ENPP6: variants seen among roughly 807,000 people sequenced by gnomAD.
The protein encoded by ENPP6 is ectonucleotide pyrophosphatase/phosphodiesterase 6.
In ENPP6, 32 loss-of-function variants were observed where a neutral mutation model predicts 42.0. The ratio of observed to expected loss-of-function variants is 0.76; its 90% CI spans 0.58 to 1.02. The LOEUF is 1.02. Among genes scored for constraint, ENPP6 ranks in the 50% least tolerant of loss-of-function variants. ENPP6 has a pLI of 0.00. For synonymous variants in ENPP6, 213 were observed against 216.0 expected (o/e 0.99, Z 0.12); for missense variants, 552 against 566.8 (o/e 0.97, Z 0.27).
chr4:184,122,471 G>A (rs906419482), intron 3 of ENPP6, among the ~76,000 whole-genome samples: 3 of 143,324 alleles, frequency 2.1e-5, no homozygotes, highest in African/African-American at 7.7e-5. Flanking sequence ...ATTCTCCAAG[G>A]TAAAGATGCA....
rs190316108 is a variant in ENPP6 at position 184,184,892 on chromosome 4, G to A, written c.242-31159C>T. On this transcript the variant is annotated intron_variant, in intron 1 of 7. Transcript: ENST00000296741. This position sits in a 1 kb window ranked among gnomAD's most constrained non-coding sequence, Gnocchi z 4.7. The stretch of plus-strand genomic sequence containing the variant: ...ATTCCTGTTGTCTGAGCCACCCAGC[G>A]TGTGGAGTGTGTGACAGCAGCCCTA... Among the ~76,000 whole-genome samples the A allele has an allele frequency of 2.0e-5, 3 of 152,064 alleles. No individual in the cohort carries two copies. Among genetic ancestry groups the A allele is most frequent in the African/African-American group, 2.4e-5 (1 of 41,408 alleles).
At chr4:184,133,357 G>GATTT (rs1289313254) in intron 2 of ENPP6, among the ~76,000 whole-genome samples, 1 of 152,012 alleles carries the variant, frequency 6.6e-6, no homozygotes, top group East Asian at 1.9e-4. Context: ...ATTTTTATTA[G>GATTT]ATTTATTCTT....
intron 5 of ENPP6, among the ~76,000 whole-genome samples, chr4:184,114,705 C>A (rs1409469055): frequency 6.6e-6 from 1 of 151,752 alleles, no homozygotes; most frequent in Non-Finnish European, 1.5e-5. Flanking sequence ...GCTGTTGATG[C>A]CCAAGTTCTG....
chr4:184,122,404 A>ACACCACCACCAC (rs57184304), intron 3 of ENPP6, among the ~76,000 whole-genome samples: 2,915 of 140,840 alleles, frequency 0.021, 79 homozygotes, highest in African/African-American at 0.056. Context: ...ACACACTCAT[A>ACACCACCACCAC]CACCACCACC....
intron 2 of ENPP6, among the ~76,000 whole-genome samples, chr4:184,135,319 C>T (rs1022176294): frequency 6.6e-6 from 1 of 152,034 alleles, no homozygotes; most frequent in Non-Finnish European, 1.5e-5. Context: ...GTGAATTTAC[C>T]TGTGTCTCCT....
intron 1 of ENPP6, among the ~76,000 whole-genome samples, chr4:184,160,742 A>G (rs1737245432): frequency 6.6e-6 from 1 of 152,084 alleles, no homozygotes; most frequent in Non-Finnish European, 1.5e-5. Flanking sequence ...TTCCAATCCT[A>G]CTTCCACCAA....
At chr4:184,164,501 G>A (rs1737318633) in intron 1 of ENPP6, among the ~76,000 whole-genome samples, 1 of 152,104 alleles carries the variant, frequency 6.6e-6, no homozygotes, top group Non-Finnish European at 1.5e-5. Context: ...AGACTGACCT[G>A]CCCCCAGGGA....
chr4:184,151,323 A>G (rs1023182960), intron 2 of ENPP6, among the ~76,000 whole-genome samples: 1 of 152,208 alleles, frequency 6.6e-6, no homozygotes, highest in African/African-American at 2.4e-5. Context: ...GGGCAACAAG[A>G]GTGAAACTCT....
chr4:184,095,391 G>A (rs1735882996), intron 7 of ENPP6, among the ~76,000 whole-genome samples: 1 of 152,092 alleles, frequency 6.6e-6, no homozygotes, highest in Non-Finnish European at 1.5e-5. Context: ...TGGGCGTGGT[G>A]GCTCACGTCT....
intron 6 of ENPP6, among the ~76,000 whole-genome samples, chr4:184,104,273 C>T (rs960642512): frequency 1.3e-5 from 2 of 152,246 alleles, no homozygotes; most frequent in Non-Finnish European, 2.9e-5. Context: ...GCCATTCAAC[C>T]ACAGGCTTTA....
At chr4:184,171,098 C>T (rs1300705761) in intron 1 of ENPP6, among the ~76,000 whole-genome samples, 2 of 152,220 alleles carry the variant, frequency 1.3e-5, no homozygotes, top group Non-Finnish European at 2.9e-5. Flanking sequence ...CACAAATATG[C>T]AGTCTGGATG....
chr4:184,178,218 A>G (rs1732483869), intron 1 of ENPP6, among the ~76,000 whole-genome samples: 1 of 152,120 alleles, frequency 6.6e-6, no homozygotes, highest in Non-Finnish European at 1.5e-5. Flanking sequence ...AGAACTTCAC[A>G]ATGCAACCAC....
At chr4:184,104,428 G>A (rs1250188218) in intron 6 of ENPP6, among the ~76,000 whole-genome samples, 2 of 152,174 alleles carry the variant, frequency 1.3e-5, no homozygotes, top group African/African-American at 2.4e-5. Flanking sequence ...CATGTTCTAC[G>A]ATCTTTCACC....
At chr4:184,141,093 C>T (rs928132469) in intron 2 of ENPP6, among the ~76,000 whole-genome samples, 1 of 152,024 alleles carries the variant, frequency 6.6e-6, no homozygotes, top group Non-Finnish European at 1.5e-5. Flanking sequence ...TGAACAGACA[C>T]TTCTCAAAAG....
intron 1 of ENPP6, among the ~76,000 whole-genome samples, chr4:184,169,199 G>T (rs1276355511): frequency 6.6e-6 from 1 of 152,218 alleles, no homozygotes; most frequent in Non-Finnish European, 1.5e-5. Flanking sequence ...CTGGCTCTGG[G>T]GAGAGGGCAA....
intron 7 of ENPP6, among the ~76,000 whole-genome samples, chr4:184,096,499 T>C (rs1312118597): frequency 6.6e-6 from 1 of 152,202 alleles, no homozygotes; most frequent in Non-Finnish European, 1.5e-5. Flanking sequence ...TCTCCCTTTT[T>C]AATTTTTGTT....
intron 1 of ENPP6, among the ~76,000 whole-genome samples, chr4:184,216,101 G>C (rs188869400): frequency 6.6e-6 from 1 of 152,170 alleles, no homozygotes; most frequent in Non-Finnish European, 1.5e-5. Context: ...TGGGTCCCCT[G>C]GCAAGGCTCT....
chr4:184,100,361 C>T (rs1164406214), intron 6 of ENPP6, among the ~76,000 whole-genome samples: 2 of 152,180 alleles, frequency 1.3e-5, no homozygotes, highest in South Asian at 2.1e-4. Flanking sequence ...AAGAAGGGCC[C>T]GCCACACACC....
intron 1 of ENPP6, among the ~76,000 whole-genome samples, chr4:184,196,724 T>G (rs1462401019): frequency 6.6e-6 from 1 of 152,162 alleles, no homozygotes; most frequent in Non-Finnish European, 1.5e-5. Flanking sequence ...ATAGATGGTA[T>G]CAACAAAGAG....
Sources: allele counts gnomAD v4.1 joint callset (sites outside exome capture counted in the v4.1 genomes callset), GRCh38; gene constraint gnomAD v4.1.1; non-coding constraint Gnocchi (gnomAD v3.1); transcripts MANE v1.5; gene names NCBI Gene and HGNC (gene_info 2026-07-23, HGNC 2026-07-21).